TSPAN18: variants seen among roughly 807,000 people sequenced by gnomAD.
The protein encoded by TSPAN18 is tetraspanin-18.
Under a neutral mutation model 27.3 loss-of-function variants are expected in TSPAN18, and 14 were observed. That is an observed-to-expected ratio of 0.51 (90% CI 0.34 to 0.80). The LOEUF (loss-of-function observed/expected upper bound fraction) is 0.80, where lower values mean the gene tolerates loss of function less well. Among genes scored for constraint, TSPAN18 ranks in the 30% least tolerant of loss-of-function variants. The pLI is 0.01. For synonymous variants in TSPAN18, 143 were observed against 136.5 expected (o/e 1.05, Z -0.33); for missense variants, 268 against 323.9 (o/e 0.83, Z 1.32).
intron 2 of TSPAN18, among the ~76,000 whole-genome samples, chr11:44,790,566 GTGTGTGTGCA>G (rs1234802367): frequency 9.8e-5 from 14 of 143,074 alleles, no homozygotes; most frequent in Admixed American, 4.1e-4. Flanking sequence ...ATGTGTTCGT[GTGTGTGTGCA>G]TGTGTGTGCA....
intron 3 of TSPAN18, among the ~76,000 whole-genome samples, chr11:44,891,262 C>T (rs540227348): frequency 6.6e-5 from 10 of 152,206 alleles, no homozygotes; most frequent in East Asian, 5.8e-4. Context: ...AGAGGCCTCA[C>T]GAGACTGCCG....
intron 2 of TSPAN18, among the ~76,000 whole-genome samples, chr11:44,820,551 T>G (rs1215613375): frequency 1.3e-5 from 2 of 152,204 alleles, no homozygotes; most frequent in Non-Finnish European, 2.9e-5. Flanking sequence ...TTGCTGTGCA[T>G]TTTTGGGCAA....
intron 3 of TSPAN18, among the ~76,000 whole-genome samples, chr11:44,891,828 G>A (rs1177265371): frequency 6.6e-6 from 1 of 152,202 alleles, no homozygotes; most frequent in African/African-American, 2.4e-5. Context: ...CATTCTTTCT[G>A]GCCAGTGAGG....
intron 1 of TSPAN18, among the ~76,000 whole-genome samples, chr11:44,739,174 AC>A (rs1854869857): frequency 6.6e-6 from 1 of 151,990 alleles, no homozygotes. Context: ...GGGGACCTTT[AC>A]TTCTGCACCT....
At chr11:44,848,840 G>T (rs571021841) in intron 2 of TSPAN18, among the ~76,000 whole-genome samples, 1 of 152,188 alleles carries the variant, frequency 6.6e-6, no homozygotes, top group Non-Finnish European at 1.5e-5. Flanking sequence ...GTCTCTAACC[G>T]TGGGGCTCCC....
chr11:44,811,642 G>C (rs1856719390), intron 2 of TSPAN18, among the ~76,000 whole-genome samples: 1 of 151,792 alleles, frequency 6.6e-6, no homozygotes, highest in African/African-American at 2.4e-5. Context: ...TTGTATTTTT[G>C]ATAGAGATAG....
intron 2 of TSPAN18, among the ~76,000 whole-genome samples, chr11:44,844,418 G>T (rs1377615746): frequency 6.6e-6 from 1 of 152,182 alleles, no homozygotes; most frequent in African/African-American, 2.4e-5. Flanking sequence ...AATAGATGCT[G>T]TCAAATAGAG....
intron 1 of TSPAN18, among the ~76,000 whole-genome samples, chr11:44,737,086 T>C (rs1854814290): frequency 1.3e-5 from 2 of 152,146 alleles, no homozygotes; most frequent in South Asian, 4.1e-4. Context: ...ATTGAATGGG[T>C]AGATTCTTAG....
At chr11:44,742,289 T>TTCCC (rs58857884) in intron 1 of TSPAN18, among the ~76,000 whole-genome samples, 13 of 140,668 alleles carry the variant, frequency 9.2e-5, no homozygotes, top group South Asian at 5.0e-4. Context: ...TCCTTCTTTC[T>TTCCC]TCCCTCCCTC....
chr11:44,922,028 G>A (rs1860157142), intron 8 of TSPAN18, among the ~76,000 whole-genome samples: 1 of 152,064 alleles, frequency 6.6e-6, no homozygotes, highest in South Asian at 2.1e-4. Flanking sequence ...GTCCCTCCTA[G>A]GCATTTCGTC....
At chr11:44,808,698 G>A (rs756493108) in intron 2 of TSPAN18, among the ~76,000 whole-genome samples, 1 of 152,136 alleles carries the variant, frequency 6.6e-6, no homozygotes, top group Non-Finnish European at 1.5e-5. Flanking sequence ...TGGAGAAAAC[G>A]ATATAATTTA....
chr11:44,770,052 T>A (rs1263814289), intron 2 of TSPAN18, among the ~76,000 whole-genome samples: 1 of 152,228 alleles, frequency 6.6e-6, no homozygotes, highest in Non-Finnish European at 1.5e-5. Flanking sequence ...AGGTCAAATG[T>A]GAGTACACAT....
chr11:44,772,131 AC>A (rs1565142122), intron 2 of TSPAN18, among the ~76,000 whole-genome samples: 1 of 152,216 alleles, frequency 6.6e-6, no homozygotes, highest in Non-Finnish European at 1.5e-5. Context: ...AGATCCAGCT[AC>A]ATTGGGGAGG....
intron 1 of TSPAN18, among the ~76,000 whole-genome samples, chr11:44,756,965 T>G (rs1855346826): frequency 6.6e-6 from 1 of 152,250 alleles, no homozygotes; most frequent in Non-Finnish European, 1.5e-5. Flanking sequence ...CTTTCACCAT[T>G]GACTACGATG....
At chr11:44,926,457 G>A (rs1239444107) in intron 8 of TSPAN18, 9 of 562,028 alleles carry the variant, frequency 1.6e-5, no homozygotes, top group Non-Finnish European at 2.9e-5. Context: ...CCCACCTTAG[G>A]GGCCGGGTGG....
At chr11:44,914,586 G>C (rs1299364438) in intron 5 of TSPAN18, among the ~76,000 whole-genome samples, 1 of 152,162 alleles carries the variant, frequency 6.6e-6, no homozygotes, top group African/African-American at 2.4e-5. Context: ...AAGACCTCGG[G>C]GCTCCTGTGG....
chr11:44,810,259 C>A (rs1856684761), intron 2 of TSPAN18, among the ~76,000 whole-genome samples: 1 of 152,168 alleles, frequency 6.6e-6, no homozygotes, highest in Non-Finnish European at 1.5e-5. Context: ...ATTTCCATCA[C>A]CCCTTATCCA....
chr11:44,876,544 G>A (rs1462944931), intron 3 of TSPAN18, among the ~76,000 whole-genome samples: 1 of 152,214 alleles, frequency 6.6e-6, no homozygotes, highest in African/African-American at 2.4e-5. Context: ...GGGCCTTGGA[G>A]TGTGAGAAGG....
intron 5 of TSPAN18, among the ~76,000 whole-genome samples, chr11:44,915,990 G>T (rs1418534017): frequency 6.6e-6 from 1 of 152,166 alleles, no homozygotes; most frequent in Non-Finnish European, 1.5e-5. Flanking sequence ...GTGGTGGCTG[G>T]GGACAGAAAC....
Sources: allele counts gnomAD v4.1 joint callset (sites outside exome capture counted in the v4.1 genomes callset), GRCh38; gene constraint gnomAD v4.1.1; transcripts MANE v1.5; gene names NCBI Gene and HGNC (gene_info 2026-07-23, HGNC 2026-07-21).